The following CAST variants were observed in gnomAD, a reference collection of about 807,000 sequenced individuals.
CAST encodes calpastatin.
Under a neutral mutation model 119.6 loss-of-function variants are expected in CAST, and 76 were observed. The observed-to-expected ratio is 0.64, with a 90% CI of 0.53 to 0.77. The LOEUF (loss-of-function observed/expected upper bound fraction) is 0.77, where lower values mean the gene tolerates loss of function less well. Among genes scored for constraint, CAST ranks in the 30% least tolerant of loss-of-function variants. The probability of loss-of-function intolerance (pLI) is 0.00; values close to 1 mark genes in which losing one functional copy is unlikely to be tolerated. For missense variants in CAST, 953 were observed against 946.5 expected, an observed-to-expected ratio of 1.01 and a Z score of -0.09; for synonymous variants, 319 against 331.6, an observed-to-expected ratio of 0.96 and a Z score of 0.41.
At chr5:96,112,503 C>CAT in the CAST span, among the ~76,000 whole-genome samples, 2 of 151,996 alleles carry the variant, frequency 1.3e-5, no homozygotes, top group African/African-American at 4.8e-5. Context: ...TTTAAAGTTA[C>CAT]ATATATATAT....
At chr5:96,392,726 G>A in the CAST span, 17 of 493,534 alleles carry the variant, frequency 3.4e-5, 1 homozygote, top group African/African-American at 2.9e-4. Flanking sequence ...TAGTGTAAGA[G>A]CTTTTTGTCA....
chr5:96,563,421 G>A (rs1196899497), intron 1 of CAST, among the ~76,000 whole-genome samples: 1 of 152,056 alleles, frequency 6.6e-6, no homozygotes, highest in Non-Finnish European at 1.5e-5. Flanking sequence ...AAAAAATGAA[G>A]TGCATAAAGT....
intron 3 of CAST, 21 bp downstream of exon 3, chr5:96,695,928 GA>G: frequency 6.4e-7 from 1 of 1,568,130 alleles, no homozygotes; most frequent in Non-Finnish European, 8.8e-7. Flanking sequence ...TCCTGAACAC[GA>G]AAAGACCCCT....
chr5:96,308,284 CT>C, the CAST span, among the ~76,000 whole-genome samples: 1 of 151,890 alleles, frequency 6.6e-6, no homozygotes, highest in South Asian at 2.1e-4. Context: ...AGTTCTCGTG[CT>C]GTGTTTTTCA....
At chr5:96,758,448 A>C (rs191617279) in intron 24 of CAST, among the ~76,000 whole-genome samples, 38 of 152,278 alleles carry the variant, frequency 2.5e-4, no homozygotes, top group African/African-American at 7.5e-4. Flanking sequence ...TCCCAAACTT[A>C]ATAACTGCAG....
At chr5:96,009,474 T>C in the CAST span, among the ~76,000 whole-genome samples, 1 of 152,228 alleles carries the variant, frequency 6.6e-6, no homozygotes, top group South Asian at 2.1e-4. Context: ...ATTTTTTGAC[T>C]TTTTAATAAT....
intron 1 of CAST, among the ~76,000 whole-genome samples, chr5:96,593,740 G>T (rs769607357): frequency 2.0e-5 from 3 of 152,194 alleles, no homozygotes; most frequent in East Asian, 1.9e-4. Flanking sequence ...AGGGATCCCA[G>T]AGAGAGCTCT....
chr5:96,163,781 T>G, the CAST span, among the ~76,000 whole-genome samples: 1 of 152,124 alleles, frequency 6.6e-6, no homozygotes, highest in Non-Finnish European at 1.5e-5. Flanking sequence ...ATTTTCCTAG[T>G]CCCCATTTTC....
chr5:96,605,820 A>G (rs949941992), intron 1 of CAST, among the ~76,000 whole-genome samples: 1 of 152,244 alleles, frequency 6.6e-6, no homozygotes, highest in Non-Finnish European at 1.5e-5. Context: ...TCTTTGTTAA[A>G]CAGTGGACTA....
chr5:96,242,706 C>T, the CAST span, among the ~76,000 whole-genome samples: 2 of 152,102 alleles, frequency 1.3e-5, no homozygotes, highest in African/African-American at 4.8e-5. Context: ...TTTCTTTTGT[C>T]TTTTATAACC....
chr5:96,046,051 A>G, the CAST span, among the ~76,000 whole-genome samples: 3 of 152,148 alleles, frequency 2.0e-5, no homozygotes, highest in African/African-American at 7.2e-5. Flanking sequence ...TTTCAGGCAG[A>G]AAAAAACAGA....
chr5:96,398,966 T>C, the CAST span: 2 of 1,611,856 alleles, frequency 1.2e-6, no homozygotes, highest in Non-Finnish European at 1.7e-6. Flanking sequence ...AGGGACTTGA[T>C]AGCATTTTCT....
At chr5:96,636,166 T>C (rs756162716) in intron 1 of CAST, among the ~76,000 whole-genome samples, 1 of 152,238 alleles carries the variant, frequency 6.6e-6, no homozygotes. Context: ...AAGCACTCTA[T>C]AGAAGCTAAT....
At chr5:96,644,858 T>C (rs1449628088) in intron 1 of CAST, among the ~76,000 whole-genome samples, 2 of 151,952 alleles carry the variant, frequency 1.3e-5, no homozygotes, top group Non-Finnish European at 2.9e-5. Context: ...TGCCTGTAAT[T>C]CCAGCTACTC....
the CAST span, among the ~76,000 whole-genome samples, chr5:96,494,101 AG>A: frequency 6.6e-6 from 1 of 152,200 alleles, no homozygotes; most frequent in Non-Finnish European, 1.5e-5. Context: ...ATGGAGGTAA[AG>A]GACAGAGAAG....
chr5:96,439,998 A>G, the CAST span, among the ~76,000 whole-genome samples: 1 of 152,168 alleles, frequency 6.6e-6, no homozygotes, highest in East Asian at 1.9e-4. Context: ...CCCACGGCAC[A>G]TTACTTTAAA....
At chr5:96,592,085 G>A (rs568217942) in intron 1 of CAST, among the ~76,000 whole-genome samples, 6 of 152,294 alleles carry the variant, frequency 3.9e-5, no homozygotes, top group African/African-American at 1.4e-4. Context: ...TGAAGGAATG[G>A]CTTAGAAGTT....
the CAST span, among the ~76,000 whole-genome samples, chr5:96,414,528 CAATAGGTGCCT>C: frequency 1.3e-5 from 2 of 152,288 alleles, no homozygotes; most frequent in South Asian, 4.1e-4. Context: ...AACTGACATA[CAATAGGTGCCT>C]AATAAATGAA....
chr5:96,178,967 G>A, the CAST span, among the ~76,000 whole-genome samples: 3 of 152,208 alleles, frequency 2.0e-5, no homozygotes, highest in Non-Finnish European at 2.9e-5. Flanking sequence ...AGCAAGAAGA[G>A]AGAGAAACTT....
Sources: gnomAD v4.1 joint callset for allele counts (sites outside exome capture counted in the v4.1 genomes callset) on GRCh38, gnomAD v4.1.1 for gene constraint, MANE v1.5 for transcripts, NCBI Gene and HGNC (gene_info 2026-07-23, HGNC 2026-07-21) for gene names.